The following GLIS3 variants were observed in gnomAD, a reference collection of about 807,000 sequenced individuals.
GLIS3 encodes the protein zinc finger protein GLIS3.
GLIS3 carries 53 observed loss-of-function variants against 78.6 expected under a neutral mutation model. The ratio of observed to expected loss-of-function variants is 0.67; its 90% confidence interval spans 0.54 to 0.85. The LOEUF is 0.85. GLIS3 is among the 40% of genes least tolerant of loss of function. The pLI, the probability that GLIS3 is intolerant of heterozygous loss-of-function variation, is 0.00. For synonymous variants in GLIS3, 684 were observed against 509.9 expected (o/e 1.34, Z -4.60); for missense variants, 1,703 against 1,231.1 (o/e 1.38, Z -5.74).
intron 2 of GLIS3, among the ~76,000 whole-genome samples, chr9:4,171,235 C>T (rs559919163): frequency 1.3e-5 from 2 of 152,094 alleles, no homozygotes; most frequent in East Asian, 3.8e-4. Flanking sequence ...TTCACCATAA[C>T]AGTATAAAGA....
chr9:4,006,388 A>C (rs1821555159), intron 4 of GLIS3, among the ~76,000 whole-genome samples: 1 of 152,126 alleles, frequency 6.6e-6, no homozygotes, highest in Non-Finnish European at 1.5e-5. Flanking sequence ...AAATAGAGTA[A>C]ATGGGTAAAC....
intron 9 of GLIS3, among the ~76,000 whole-genome samples, chr9:3,833,410 C>T (rs558775001): frequency 2.6e-5 from 4 of 152,310 alleles, no homozygotes; most frequent in African/African-American, 9.6e-5. Context: ...AGGCCTAACT[C>T]ATTTTCTGAT....
intron 4 of GLIS3, among the ~76,000 whole-genome samples, chr9:4,023,713 G>C (rs938766730): frequency 8.5e-5 from 13 of 152,190 alleles, no homozygotes; most frequent in African/African-American, 3.1e-4. Flanking sequence ...AGAGGTCAGA[G>C]ACCAGCAAGA....
At chr9:4,143,025 A>G (rs1833925206) in intron 2 of GLIS3, among the ~76,000 whole-genome samples, 1 of 152,080 alleles carries the variant, frequency 6.6e-6, no homozygotes, top group African/African-American at 2.4e-5. Flanking sequence ...ACTCTCTGAC[A>G]TACTCACCTT....
chr9:4,369,799 T>C, the GLIS3 span, among the ~76,000 whole-genome samples: 1 of 152,178 alleles, frequency 6.6e-6, no homozygotes, highest in East Asian at 1.9e-4. Flanking sequence ...GTCTATCTAA[T>C]AGAGATAAAA....
intron 2 of GLIS3, among the ~76,000 whole-genome samples, chr9:4,217,073 T>C (rs1820918322): frequency 6.6e-6 from 1 of 152,146 alleles, no homozygotes; most frequent in African/African-American, 2.4e-5. Context: ...CAGTTTGTAT[T>C]TGTCAGCCCC....
At position 4,079,179 on chromosome 9, in the gene GLIS3, A is replaced by G. The variant is rs1828333929; in HGVS notation, c.1710+38589T>C. Among the ~76,000 whole-genome samples, 2 of 152,216 alleles carry G rather than the reference A, an allele frequency of 1.3e-5. 1 individual carries two copies. The highest frequency in any genetic ancestry group is 4.1e-4 in the South Asian group (2 of 4,830). ...TAGGGTCCCATTGCTTTTGGAGTAA[A>G]TTCCAAACATTTAAATTTTGCACAG... On this transcript the variant is annotated intron_variant, in intron 4 of 10. Transcript: ENST00000381971.
At chr9:4,334,953 G>C (rs1250896951) in intron 2 of GLIS3, among the ~76,000 whole-genome samples, 2 of 127,798 alleles carry the variant, frequency 1.6e-5, no homozygotes, top group Admixed American at 9.9e-5. Context: ...CTGTCACCCA[G>C]GCTGGAGTGC....
In GLIS3 at chr9:3,936,976, T is replaced by C. The variant is rs1391638827; in HGVS notation, c.1872+52A>G. Reference sequence around the variant, plus strand: ...CACCAGCCCACTATCAAGCAGGCACTTCCTCACACCAGGCGCTGGGTTGGA... The same window carrying C: ...CACCAGCCCACTATCAAGCAGGCACCTCCTCACACCAGGCGCTGGGTTGGA... On this transcript the variant is annotated intron_variant, in intron 5 of 10. Transcript: ENST00000381971. 2.5e-6 allele frequency: 4 copies of C among 1,609,940 alleles called. No individual in the cohort carries two copies. The South Asian group carries it at 3.3e-5, about 13-fold the overall frequency.
intron 6 of GLIS3, among the ~76,000 whole-genome samples, chr9:3,924,443 G>T (rs1410666692): frequency 6.6e-6 from 1 of 152,194 alleles, no homozygotes; most frequent in African/African-American, 2.4e-5. Context: ...TCATGGCAGT[G>T]CTTAAAAGAA....
At chr9:4,307,554 A>AC (rs1263137340) in intron 4 of GLIS3, among the ~76,000 whole-genome samples, 1 of 152,086 alleles carries the variant, frequency 6.6e-6, no homozygotes, top group African/African-American at 2.4e-5. Context: ...CCAACAAAAA[A>AC]AAATCCACAT....
the GLIS3 span, among the ~76,000 whole-genome samples, chr9:4,406,239 G>C: frequency 8.6e-4 from 131 of 151,832 alleles, no homozygotes; most frequent in African/African-American, 3.0e-3. Context: ...TCAGATAAGA[G>C]AAAGAAAAAA....
chr9:4,267,545 T>G (rs1033531950), intron 2 of GLIS3, among the ~76,000 whole-genome samples: 2 of 152,214 alleles, frequency 1.3e-5, no homozygotes, highest in African/African-American at 2.4e-5. Context: ...TCTTTGTCCT[T>G]GACAATCCCT....
the GLIS3 span, among the ~76,000 whole-genome samples, chr9:4,357,998 G>GT: frequency 6.6e-6 from 1 of 152,126 alleles, no homozygotes; most frequent in Non-Finnish European, 1.5e-5. Context: ...TTATGCCTTT[G>GT]TTTTTTAAAA....
intron 2 of GLIS3, among the ~76,000 whole-genome samples, chr9:4,332,852 C>T (rs1817705791): frequency 6.6e-6 from 1 of 152,090 alleles, no homozygotes; most frequent in South Asian, 2.1e-4. Context: ...ATATTCTGAA[C>T]CTTATACATG....
chr9:4,098,430 C>T (rs1458523967), intron 4 of GLIS3, among the ~76,000 whole-genome samples: 1 of 152,138 alleles, frequency 6.6e-6, no homozygotes, highest in Non-Finnish European at 1.5e-5. Flanking sequence ...AAGATCGATA[C>T]ACGGTGTAAC....
chr9:4,206,526 T>A (rs1183200781), intron 2 of GLIS3, among the ~76,000 whole-genome samples: 1 of 152,224 alleles, frequency 6.6e-6, no homozygotes, highest in Non-Finnish European at 1.5e-5. Flanking sequence ...ACACAGCCTA[T>A]GTGCAGTGGA....
At chr9:3,957,324 G>T (rs1036910925) in intron 4 of GLIS3, among the ~76,000 whole-genome samples, 1 of 152,234 alleles carries the variant, frequency 6.6e-6, no homozygotes, top group East Asian at 1.9e-4. Context: ...CTGCCTAGCC[G>T]ATTAATGTCT....
intron 2 of GLIS3, among the ~76,000 whole-genome samples, chr9:4,180,778 C>G (rs1170805496): frequency 1.3e-5 from 2 of 152,186 alleles, no homozygotes; most frequent in African/African-American, 2.4e-5. Flanking sequence ...AAGTCCACCA[C>G]CATCCCAAAC....
Sources: allele counts gnomAD v4.1 joint callset (sites outside exome capture counted in the v4.1 genomes callset), GRCh38; gene constraint gnomAD v4.1.1; transcripts MANE v1.5; gene names NCBI Gene and HGNC (gene_info 2026-07-23, HGNC 2026-07-21).